The following GFI1 variants were observed in gnomAD, a reference collection of about 807,000 sequenced individuals.
GFI1 encodes growth factor independent 1 transcriptional repressor, also known as zinc finger protein Gfi-1.
Under a neutral mutation model 39.2 loss-of-function variants are expected in GFI1, and 15 were observed. The ratio of observed to expected loss-of-function variants is 0.38; its 90% CI spans 0.26 to 0.59. The LOEUF is 0.59. Ranked by LOEUF, GFI1 falls within the 20% of genes least tolerant of loss-of-function variation. The pLI is 0.62. For synonymous variants in GFI1, 239 were observed against 254.3 expected (o/e 0.94, Z 0.57); for missense variants, 475 against 574.0 (o/e 0.83, Z 1.76).
rs376949976 is a variant in GFI1, at chr1:92,480,468, G to A, written c.804C>T (p.His268=). ...ACCTGCGCACGTGCACCTCGAGCCC[G>A]TGCGGCGTGGAGAACACCTAAGGCG... The part of the protein sequence containing the change: ...IKCSKVFSTP[H]GLEVHVRRSH... The change falls in exon 5 of 7, where the codon CAC becomes CAT. Residue 268 remains histidine, a synonymous_variant. Coordinates refer to ENST00000294702, the MANE Select transcript of GFI1 (RefSeq NM_005263.5). The surrounding 1 kb of genome is among the most constrained non-coding windows in gnomAD (Gnocchi z 5.6). 4.0e-5 allele frequency: 62 copies of A among 1,550,070 alleles called. No homozygotes were observed. The highest frequency in any genetic ancestry group is 1.7e-4 in the Middle Eastern group (1 of 6,012).
intron 6 of GFI1, 56 bp from the exon 7 acceptor site, chr1:92,476,263 G>A (rs898204037): frequency 2.6e-6 from 4 of 1,512,822 alleles, no homozygotes; most frequent in Non-Finnish European, 3.6e-6. Flanking sequence ...AAGCTAGAGG[G>A]GACCCACTGT....
At position 92,484,739 on chromosome 1, in the gene GFI1, G is replaced by A. The variant is rs1156820587; in HGVS notation, c.-99-1153C>T. 1.3e-5 allele frequency: 2 copies of A among 152,500 alleles called. No homozygotes were observed. Among genetic ancestry groups the A allele is most frequent in the African/African-American group, 4.8e-5 (2 of 41,468 alleles). 9.4% of individuals were successfully genotyped at this position (152,500 alleles called of 1,614,324 possible). ...CCGCTAGGCTCCAGCCGGCTCCGGG[G>A]GCGGTACCCCACAGTCGAGGTGGTC... On this transcript the variant is annotated intron_variant, in intron 1 of 6. Coordinates refer to ENST00000294702, the MANE Select transcript of GFI1 (RefSeq NM_005263.5). The surrounding 1 kb of genome is among the most constrained non-coding windows in gnomAD (Gnocchi z 4.1).
Position 92,482,890 on chromosome 1 carries a change from C to T in GFI1, c.272G>A (p.Arg91Lys). 1 of 1,614,120 alleles carries T rather than the reference C, an allele frequency of 6.2e-7. No individual in the cohort carries two copies. Among genetic ancestry groups the T allele is most frequent in the Non-Finnish European group, 8.5e-7 (1 of 1,179,988 alleles). The change falls in exon 3 of 7, where the codon AGG (arginine) becomes AAG (lysine). Residue 91 changes from arginine to lysine, a missense_variant. Transcript: ENST00000294702. The surrounding 1 kb of genome is among the most constrained non-coding windows in gnomAD (Gnocchi z 4.4). Reference protein sequence around the residue: ...ERSSEFEDFWRPPSPSASPAS... With the variant: ...ERSSEFEDFWKPPSPSASPAS... Reference sequence around the variant, plus strand: ...TGGAGACGCGGAGGGTGACGGGGGCCTCCAGAAGTCCTCAAACTCCGAGCT... The same window carrying T: ...TGGAGACGCGGAGGGTGACGGGGGCTTCCAGAAGTCCTCAAACTCCGAGCT...
At chr1:92,483,923 G>T (rs1658412683) in intron 1 of GFI1, 1 of 305,426 alleles carries the variant, frequency 3.3e-6, no homozygotes, top group Non-Finnish European at 6.5e-6. Context: ...GAGAGCTGTA[G>T]TTCCCATCGG....
rs545137392 is a variant in GFI1, at chr1:92,475,622, C to T, written c.*407G>A. ...CTTGTAAATGGTGATTCCTCCTCTTCCACACAAATATCTGGGGTAGGTCAA... is the reference window on the plus strand; with the variant it reads ...CTTGTAAATGGTGATTCCTCCTCTTTCACACAAATATCTGGGGTAGGTCAA... On this transcript the variant is annotated 3_prime_UTR_variant, in exon 7 of 7. Transcript: ENST00000294702. The T allele has an allele frequency of 8.8e-4, 220 of 251,010 alleles. No individual in the cohort carries two copies. Among genetic ancestry groups the T allele is most frequent in the Non-Finnish European group, 1.5e-3 (194 of 126,142 alleles). 15.5% of individuals were successfully genotyped at this position (251,010 alleles called of 1,614,324 possible).
At chr1:92,485,506 C>T (rs1658487457) in intron 1 of GFI1, among the ~76,000 whole-genome samples, 1 of 151,658 alleles carries the variant, frequency 6.6e-6, no homozygotes, top group Non-Finnish European at 1.5e-5. Context: ...TAAGCCCACG[C>T]CTCTCTCGCA....
rs549168199 is a variant in GFI1, at chr1:92,475,432, C to T, written c.*597G>A. The T allele has an allele frequency of 7.5e-5, 12 of 160,634 alleles. No homozygotes were observed. In the South Asian group the frequency reaches 2.1e-3, roughly 28 times the overall value. The allele number at this position is 160,634 out of a possible 1,614,324, so 10.0% of individuals were successfully genotyped here. On this transcript the variant is annotated 3_prime_UTR_variant, in exon 7 of 7. Transcript: ENST00000294702. Reference sequence around the variant, plus strand: ...CTCATGACTTCAAAGTATTAAATTCCTTCCCCAAGTCAGTTTCTGAATCAG... The same window carrying T: ...CTCATGACTTCAAAGTATTAAATTCTTTCCCCAAGTCAGTTTCTGAATCAG...
At chr1:92,479,508 T>C (rs1361239794) in intron 5 of GFI1, among the ~76,000 whole-genome samples, 1 of 152,228 alleles carries the variant, frequency 6.6e-6, no homozygotes, top group African/African-American at 2.4e-5. Context: ...GATTCTTAAG[T>C]ACTTGGCACC....
At chr1:92,476,358 C>T (rs1557666303) in intron 6 of GFI1, 151 bp from the exon 7 acceptor site, 9 of 717,282 alleles carry the variant, frequency 1.3e-5, no homozygotes, top group Admixed American at 2.1e-5. Flanking sequence ...GCAACCTGAA[C>T]TGACTCCCAG....
chr1:92,478,757 CAG>C lies in GFI1; in HGVS notation c.925-6_925-5del, dbSNP rs35896485. The C allele has an allele frequency of 0.12, 177,285 of 1,507,098 alleles. 1,344 individuals are homozygous for C. Among genetic ancestry groups the C allele is most frequent in the Non-Finnish European group, 0.13 (143,261 of 1,115,938 alleles). The allele number at this position is 1,507,098 out of a possible 1,614,324, so 93.4% of individuals were successfully genotyped here. On this transcript the variant is annotated splice_polypyrimidine_tract_variant and splice_region_variant and intron_variant, in intron 5 of 6. Coordinates refer to ENST00000294702, the MANE Select transcript of GFI1 (RefSeq NM_005263.5). ...TCTTACAGTCAAAGCTCCGTTCCTG[CAG>C]AGAGAGAGAGAGAGAGAGAGAGAGA... is the stretch of plus-strand genomic sequence containing the variant.
chr1:92,480,465 C>T lies in GFI1; in HGVS notation c.807G>A (p.Gly269=), dbSNP rs1157870383. ...KCSKVFSTPH[G]LEVHVRRSHS... ...GGGACCTGCGCACGTGCACCTCGAG[C>T]CCGTGCGGCGTGGAGAACACCTAAG... is the stretch of plus-strand genomic sequence containing the variant. Residue 269 remains glycine, a synonymous_variant, in exon 5 of 7, where the codon GGG becomes GGA. Coordinates refer to ENST00000294702, the MANE Select transcript of GFI1 (RefSeq NM_005263.5). The surrounding 1 kb of genome is among the most constrained non-coding windows in gnomAD (Gnocchi z 5.6). 6.5e-7 allele frequency: 1 copy of T among 1,550,256 alleles called. No homozygotes were observed. The highest frequency in any genetic ancestry group is 8.7e-7 in the Non-Finnish European group (1 of 1,146,620).
Position 92,475,650 on chromosome 1 carries a change from G to T in GFI1, c.*379C>A, listed in dbSNP as rs117888069. 7 of 299,160 alleles carry T rather than the reference G, an allele frequency of 2.3e-5. No homozygotes were observed. Among genetic ancestry groups the T allele is most frequent in the African/African-American group, 1.1e-4 (5 of 46,662 alleles). 18.5% of individuals were successfully genotyped at this position (299,160 alleles called of 1,614,324 possible). A position where few individuals can be genotyped will look rare whatever the true frequency, so the allele number is the denominator to read the frequency against. Reference sequence around the variant, plus strand: ...CACAAATATCTGGGGTAGGTCAAGAGGGGGGAGGGAAGAAACCTGAAGGGC... The same window carrying T: ...CACAAATATCTGGGGTAGGTCAAGATGGGGGAGGGAAGAAACCTGAAGGGC... On this transcript the variant is annotated 3_prime_UTR_variant, in exon 7 of 7. Transcript: ENST00000294702.
Position 92,483,530 on chromosome 1 carries a change from A to G in GFI1, c.-43T>C, listed in dbSNP as rs1415931103. On this transcript the variant is annotated 5_prime_UTR_variant, in exon 2 of 7. Transcript: ENST00000294702. ...CCCACTGCGCCCCAAGAGTCCCTGG[A>G]GCCGCTGTCACCCACGGTCACTCCG... 2 of 1,163,404 alleles carry G rather than the reference A, an allele frequency of 1.7e-6. No individual in the cohort carries two copies. Among genetic ancestry groups the G allele is most frequent in the Non-Finnish European group, 2.6e-6 (2 of 783,904 alleles). 72.1% of individuals were successfully genotyped at this position (1,163,404 alleles called of 1,614,324 possible). A position where few individuals can be genotyped will look rare whatever the true frequency, so the allele number is the denominator to read the frequency against.
In GFI1 at chr1:92,478,666, G is replaced by A. The variant is rs747130172; in HGVS notation, c.1012C>T (p.Arg338Trp). 4.3e-6 allele frequency: 7 copies of A among 1,613,994 alleles called. No homozygotes were observed. The highest frequency in any genetic ancestry group is 3.4e-6 in the Non-Finnish European group (4 of 1,179,990). Residue 338 changes from arginine (R) to tryptophan (W), a missense_variant, in exon 6 of 7, where the codon CGG (arginine) becomes TGG (tryptophan). Coordinates refer to ENST00000294702, the MANE Select transcript of GFI1 (RefSeq NM_005263.5). The part of the protein sequence containing the change: ...STHLLIHSDT[R>W]PYPCQYCGKR... ...CCACAGTACTGACAGGGGTAGGGCC[G>A]AGTGTCTGAGTGGATAAGCAGGTGT...
In GFI1 at chr1:92,481,015, C is replaced by A; in HGVS notation, c.372G>T (p.Trp124Cys). The change falls in exon 4 of 7, where the codon TGG (tryptophan) becomes TGT (cysteine). Residue 124 changes from tryptophan (W) to cysteine (C), a missense_variant. Around this residue, in one of 4 missense-constraint regions of GFI1, gnomAD observed 275 missense variants for 275.8 expected, o/e 1.00. Transcript: ENST00000294702. This position sits in a 1 kb window ranked among gnomAD's most constrained non-coding sequence, Gnocchi z 4.3. ...PFPLPFKPYS[W>C]SGLAGSDLRH... ...GCAGGTCAGAACCCGCCAGGCCGCTCCATGAGTACGGTTTGAAAGGCAGGG... is the reference window on the plus strand; with the variant it reads ...GCAGGTCAGAACCCGCCAGGCCGCTACATGAGTACGGTTTGAAAGGCAGGG... 1 of 1,611,642 alleles carries A rather than the reference C, an allele frequency of 6.2e-7. No individual in the cohort carries two copies.
At position 92,481,110 on chromosome 1, in the gene GFI1, G is replaced by A. The variant is rs1658229569; in HGVS notation, c.299-22C>T. ...GAGGCTGTGGAGGCACAAGGGGAGC[G>A]TCCGGTCAGGCTTCAGACGGCAGAG... On this transcript the variant is annotated intron_variant, in intron 3 of 6. Coordinates refer to ENST00000294702, the MANE Select transcript of GFI1 (RefSeq NM_005263.5). The surrounding 1 kb of genome is among the most constrained non-coding windows in gnomAD (Gnocchi z 4.3). 6.3e-7 allele frequency: 1 copy of A among 1,597,314 alleles called. No individual in the cohort carries two copies. The highest frequency in any genetic ancestry group is 1.3e-5 in the African/African-American group (1 of 74,524).
intron 5 of GFI1, among the ~76,000 whole-genome samples, chr1:92,479,050 G>C (rs574664077): frequency 6.6e-6 from 1 of 152,306 alleles, no homozygotes; most frequent in South Asian, 2.1e-4. Context: ...ATTTTTAGTA[G>C]AGATGGGGTT....
chr1:92,481,051 G>A lies in GFI1; in HGVS notation c.336C>T (p.Ala112=), dbSNP rs1255866723. 2 of 1,611,768 alleles carry A rather than the reference G, an allele frequency of 1.2e-6. No individual in the cohort carries two copies. Among genetic ancestry groups the A allele is most frequent in the Non-Finnish European group, 1.7e-6 (2 of 1,179,098 alleles). Residue 112 remains alanine, a synonymous_variant, in exon 4 of 7, where the codon GCC becomes GCT. Transcript: ENST00000294702. This position sits in a 1 kb window ranked among gnomAD's most constrained non-coding sequence, Gnocchi z 4.3. ...EKSMCPSLDE[A]QPFPLPFKPY... ...GTTTGAAAGGCAGGGGGAAGGGCTG[G>A]GCTTCGTCCAGCGATGGGCACATTG... is the stretch of plus-strand genomic sequence containing the variant.
rs1658453941 is a variant in GFI1 at position 92,484,901 on chromosome 1, G to C, written c.-99-1315C>G. On this transcript the variant is annotated intron_variant, in intron 1 of 6. Coordinates refer to ENST00000294702, the MANE Select transcript of GFI1 (RefSeq NM_005263.5). The surrounding 1 kb of genome is among the most constrained non-coding windows in gnomAD (Gnocchi z 4.1). ...TGCTGGGAACTCTGGGCCGGGGCAG[G>C]ACCTGCAGTCCTCCGGCTTCGCGCT... Among the ~76,000 whole-genome samples, 1 of 152,236 alleles carries C rather than the reference G, an allele frequency of 6.6e-6. No individual in the cohort carries two copies. The highest frequency in any genetic ancestry group is 1.5e-5 in the Non-Finnish European group (1 of 68,026).
Sources: gnomAD v4.1 joint callset for allele counts (sites outside exome capture counted in the v4.1 genomes callset) on GRCh38, gnomAD v4.1.1 for gene constraint, gnomAD v4.1.1 regional missense constraint, Gnocchi (gnomAD v3.1) non-coding constraint, MANE v1.5 for transcripts, NCBI Gene and HGNC (gene_info 2026-07-23, HGNC 2026-07-21) for gene names.